The following SLC1A1 variants were observed in gnomAD, a reference collection of about 807,000 sequenced individuals.
SLC1A1 encodes the protein excitatory amino acid transporter 3.
A neutral mutation model predicts 53.3 loss-of-function variants in SLC1A1; 43 were observed. The observed-to-expected ratio is 0.81, with a 90% CI of 0.63 to 1.04. The LOEUF is 1.04. Ranked by LOEUF, SLC1A1 falls within the 50% of genes least tolerant of loss-of-function variation. The pLI is 0.00. For synonymous variants in SLC1A1, 307 were observed against 243.2 expected (o/e 1.26, Z -2.44); for missense variants, 748 against 664.9 (o/e 1.12, Z -1.37).
chr9:4,503,464 G>C (rs1820701383), intron 1 of SLC1A1, among the ~76,000 whole-genome samples: 3 of 151,814 alleles, frequency 2.0e-5, no homozygotes, highest in African/African-American at 7.3e-5. Flanking sequence ...ATGATCCTGA[G>C]TGTGGTAAAT....
chr9:4,498,960 ATT>A (rs1243309194), intron 1 of SLC1A1, among the ~76,000 whole-genome samples: 1 of 145,336 alleles, frequency 6.9e-6, no homozygotes, highest in Non-Finnish European at 1.5e-5. Context: ...ATACATATAT[ATT>A]ATATATGTAT....
chr9:4,553,091 T>A (rs1375452814), intron 2 of SLC1A1, among the ~76,000 whole-genome samples: 1 of 152,080 alleles, frequency 6.6e-6, no homozygotes, highest in Non-Finnish European at 1.5e-5. Flanking sequence ...CATATTTAGG[T>A]TGTGGCAAAA....
chr9:4,492,130 G>A (rs1045034471), intron 1 of SLC1A1, among the ~76,000 whole-genome samples: 2 of 152,162 alleles, frequency 1.3e-5, no homozygotes, highest in African/African-American at 4.8e-5. Flanking sequence ...CCCCCAAGAA[G>A]TGCCAAGTGG....
chr9:4,516,107 T>G (rs1046498944), intron 1 of SLC1A1, among the ~76,000 whole-genome samples: 2 of 152,212 alleles, frequency 1.3e-5, no homozygotes, highest in Non-Finnish European at 2.9e-5. Flanking sequence ...TTTTGTGAGT[T>G]GCCATAAAGA....
chr9:4,542,520 C>G (rs924752329), intron 1 of SLC1A1, among the ~76,000 whole-genome samples: 5 of 152,196 alleles, frequency 3.3e-5, no homozygotes, highest in African/African-American at 1.2e-4. Flanking sequence ...TGCTATTCAA[C>G]AGAGTCCTTG....
intron 1 of SLC1A1, among the ~76,000 whole-genome samples, chr9:4,515,686 C>G (rs932405688): frequency 6.6e-6 from 1 of 152,220 alleles, no homozygotes; most frequent in African/African-American, 2.4e-5. Flanking sequence ...GGTTTTCACT[C>G]CTAGAGTACT....
chr9:4,514,844 T>A (rs1821111396), intron 1 of SLC1A1, among the ~76,000 whole-genome samples: 1 of 152,096 alleles, frequency 6.6e-6, no homozygotes, highest in Admixed American at 6.5e-5. Flanking sequence ...GAAGTAGCCT[T>A]GGTGAGAAAT....
At chr9:4,523,189 G>T (rs567632812) in intron 1 of SLC1A1, among the ~76,000 whole-genome samples, 1 of 152,138 alleles carries the variant, frequency 6.6e-6, no homozygotes, top group Non-Finnish European at 1.5e-5. Flanking sequence ...ACTCTCATTA[G>T]ATGTGAGCTC....
chr9:4,561,419 A>T, intron 2 of SLC1A1, 30 bp from the exon 3 acceptor site: 1 of 1,320,202 alleles, frequency 7.6e-7, no homozygotes, highest in Non-Finnish European at 1.1e-6. Context: ...TTTTAAAATT[A>T]ATGTAATTTG....
intron 1 of SLC1A1, among the ~76,000 whole-genome samples, chr9:4,522,164 G>A (rs182898612): frequency 2.0e-4 from 29 of 147,978 alleles, no homozygotes; most frequent in African/African-American, 7.2e-4. Flanking sequence ...CCATTCTCCT[G>A]CCTAAGCCTC....
chr9:4,531,821 G>C (rs996370992), intron 1 of SLC1A1, among the ~76,000 whole-genome samples: 1 of 152,190 alleles, frequency 6.6e-6, no homozygotes, highest in Non-Finnish European at 1.5e-5. Flanking sequence ...GGGGCAGACT[G>C]ACACCTCACA....
chr9:4,574,924 T>C (rs531454780), intron 8 of SLC1A1, among the ~76,000 whole-genome samples: 1 of 152,324 alleles, frequency 6.6e-6, no homozygotes, highest in South Asian at 2.1e-4. Context: ...ATTTGGTCCC[T>C]ACAGTGTGAG....
chr9:4,542,874 CT>C (rs1817138204), intron 1 of SLC1A1, among the ~76,000 whole-genome samples: 1 of 152,108 alleles, frequency 6.6e-6, no homozygotes, highest in Non-Finnish European at 1.5e-5. Context: ...TTTGTTTCAT[CT>C]TTGTCTTAGC....
intron 1 of SLC1A1, among the ~76,000 whole-genome samples, chr9:4,524,272 C>T (rs1416084086): frequency 4.6e-5 from 7 of 152,116 alleles, no homozygotes; most frequent in Non-Finnish European, 8.8e-5. Flanking sequence ...ATGGGCATAT[C>T]GGAAAGGGTA....
intron 1 of SLC1A1, among the ~76,000 whole-genome samples, chr9:4,536,941 G>A (rs1816697518): frequency 6.6e-6 from 1 of 151,778 alleles, no homozygotes; most frequent in Admixed American, 6.6e-5. Flanking sequence ...ACTATTGCAA[G>A]GACAAAAAAC....
In SLC1A1 at chr9:4,573,998, GC is replaced by G; in HGVS notation, c.861del (p.Thr288GlnfsTer3). ...EIFRKLGLYM[A>X]TVLTGLAIHS... ...ATTCCGCAAGCTGGGCCTTTACATG[GC>G]CACAGTCCTGACTGGGTATGTCAGA... On this transcript the variant is annotated frameshift_variant, in exon 8 of 12. Coordinates refer to ENST00000262352, the MANE Select transcript of SLC1A1 (RefSeq NM_004170.6). LOFTEE classifies it high-confidence loss of function. 6.2e-7 allele frequency: 1 copy of G among 1,609,696 alleles called. No individual in the cohort carries two copies. The highest frequency in any genetic ancestry group is 8.5e-7 in the Non-Finnish European group (1 of 1,175,944).
intron 1 of SLC1A1, among the ~76,000 whole-genome samples, chr9:4,529,619 A>C (rs1200663375): frequency 2.0e-5 from 3 of 152,174 alleles, no homozygotes; most frequent in African/African-American, 7.2e-5. Context: ...AGATGAATGA[A>C]TAAGTGTAAG....
intron 1 of SLC1A1, among the ~76,000 whole-genome samples, chr9:4,541,011 C>G (rs80071017): frequency 0.15 from 22,389 of 152,126 alleles, 1,997 homozygotes; most frequent in South Asian, 0.31. Context: ...CCCAAGCTTC[C>G]CAAGCATCTG....
chr9:4,552,919 C>G (rs1428792197), intron 2 of SLC1A1, among the ~76,000 whole-genome samples: 1 of 151,852 alleles, frequency 6.6e-6, no homozygotes, highest in African/African-American at 2.4e-5. Flanking sequence ...TTGAGCTACG[C>G]AGATATGAAC....
Sources: gnomAD v4.1 joint callset for allele counts (sites outside exome capture counted in the v4.1 genomes callset) on GRCh38, gnomAD v4.1.1 for gene constraint, MANE v1.5 for transcripts, NCBI Gene and HGNC (gene_info 2026-07-23, HGNC 2026-07-21) for gene names.